The following PCDH7 variants were observed in gnomAD, a reference collection of about 807,000 sequenced individuals.
The protein encoded by PCDH7 is protocadherin-7.
A neutral mutation model predicts 58.9 loss-of-function variants in PCDH7; 17 were observed. That is an observed-to-expected ratio of 0.29 (90% confidence interval 0.20 to 0.43). The LOEUF (loss-of-function observed/expected upper bound fraction) is 0.43. Among genes scored for constraint, PCDH7 ranks in the 20% least tolerant of loss-of-function variants. The pLI is 1.00. For missense variants in PCDH7, 1,274 were observed against 1,441.0 expected, an observed-to-expected ratio of 0.88 and a Z score of 1.88; for synonymous variants, 664 against 616.4, an observed-to-expected ratio of 1.08 and a Z score of -1.14.
chr4:30,859,185 T>A (rs1733869311), intron 1 of PCDH7, among the ~76,000 whole-genome samples: 1 of 152,178 alleles, frequency 6.6e-6, no homozygotes, highest in Non-Finnish European at 1.5e-5. Context: ...AGTGCCTATC[T>A]AAAACTGTGG....
chr4:31,079,982 A>G (rs1759368012), intron 3 of PCDH7, among the ~76,000 whole-genome samples: 1 of 152,190 alleles, frequency 6.6e-6, no homozygotes, highest in Non-Finnish European at 1.5e-5. Context: ...ACACTCAGTA[A>G]GAAGTGCCGC....
intron 3 of PCDH7, among the ~76,000 whole-genome samples, chr4:30,999,789 A>G (rs1042820325): frequency 2.6e-5 from 4 of 152,262 alleles, no homozygotes; most frequent in African/African-American, 4.8e-5. Flanking sequence ...TGATTCTTCT[A>G]TAGATCTAAT....
At chr4:30,851,992 A>T (rs1732819449) in intron 1 of PCDH7, among the ~76,000 whole-genome samples, 1 of 152,138 alleles carries the variant, frequency 6.6e-6, no homozygotes, top group Non-Finnish European at 1.5e-5. Flanking sequence ...ATAACTTAGG[A>T]AAATAGATTT....
chr4:31,135,438 G>C lies in PCDH7; in HGVS notation c.*8-7035G>C, dbSNP rs375928038. Among the ~76,000 whole-genome samples, 27 of 152,256 alleles carry C rather than the reference G, an allele frequency of 1.8e-4. No individual in the cohort carries two copies. In the South Asian group the frequency reaches 5.2e-3, roughly 29 times the overall value. On this transcript the variant is annotated intron_variant, in intron 3 of 3. Coordinates refer to the PCDH7 transcript ENST00000509759. ...AAAGTAGTAGGAGGATGCCTAATGTGGAGTAACCAGGATCCAGTGGCCAGC... is the reference window on the plus strand; with the variant it reads ...AAAGTAGTAGGAGGATGCCTAATGTCGAGTAACCAGGATCCAGTGGCCAGC...
At chr4:30,749,045 A>G (rs1298017991) in intron 1 of PCDH7, among the ~76,000 whole-genome samples, 4 of 152,200 alleles carry the variant, frequency 2.6e-5, no homozygotes, top group Non-Finnish European at 4.4e-5. Context: ...AGGGGAAGGG[A>G]TATGTTATGA....
intron 3 of PCDH7, among the ~76,000 whole-genome samples, chr4:31,113,100 T>C (rs1288540932): frequency 6.6e-6 from 1 of 152,208 alleles, no homozygotes; most frequent in African/African-American, 2.4e-5. Context: ...AATACTAAAA[T>C]TGACCTTCTT....
intron 1 of PCDH7, among the ~76,000 whole-genome samples, chr4:30,838,503 T>C (rs1417879201): frequency 3.3e-5 from 5 of 151,978 alleles, no homozygotes; most frequent in Admixed American, 6.6e-5. Context: ...GGGTTTTTTT[T>C]CCCCCTTTTA....
At chr4:30,878,429 A>G (rs1247393934) in intron 1 of PCDH7, among the ~76,000 whole-genome samples, 1 of 152,106 alleles carries the variant, frequency 6.6e-6, no homozygotes, top group Non-Finnish European at 1.5e-5. Flanking sequence ...TTCTTGTACT[A>G]GGAGGGAGAA....
chr4:30,940,239 T>C (rs533668833), intron 2 of PCDH7, among the ~76,000 whole-genome samples: 2 of 152,130 alleles, frequency 1.3e-5, no homozygotes, highest in South Asian at 4.1e-4. Flanking sequence ...AGTAGATTGC[T>C]TTTTTTGTCT....
At chr4:30,861,957 A>G (rs957322319) in intron 1 of PCDH7, among the ~76,000 whole-genome samples, 3 of 152,116 alleles carry the variant, frequency 2.0e-5, no homozygotes, top group Admixed American at 6.6e-5. Context: ...TAAATTCTAT[A>G]CATGGGAAAA....
intron 1 of PCDH7, among the ~76,000 whole-genome samples, chr4:30,826,870 C>T (rs992670132): frequency 1.6e-4 from 24 of 152,138 alleles, no homozygotes; most frequent in East Asian, 9.7e-4. Context: ...GGACTACTGG[C>T]GCACACCACC....
chr4:31,123,857 G>T (rs944442184), intron 3 of PCDH7, among the ~76,000 whole-genome samples: 1 of 152,028 alleles, frequency 6.6e-6, no homozygotes, highest in Non-Finnish European at 1.5e-5. Flanking sequence ...TCGGAGAGGA[G>T]GACAAACTCC....
At chr4:30,995,833 C>G (rs61792935) in intron 3 of PCDH7, among the ~76,000 whole-genome samples, 2 of 152,008 alleles carry the variant, frequency 1.3e-5, no homozygotes, top group African/African-American at 4.8e-5. Flanking sequence ...ACTGAATCTC[C>G]CCAGGGCTCC....
chr4:31,115,476 C>T (rs560347163), intron 3 of PCDH7, among the ~76,000 whole-genome samples: 2 of 152,072 alleles, frequency 1.3e-5, no homozygotes, highest in South Asian at 2.1e-4. Context: ...TCTTTATTTT[C>T]CGCTCATTCT....
rs200689890 is a variant in PCDH7, at chr4:30,838,666, A to AT, written c.71-81479dup. On this transcript the variant is annotated intron_variant, in intron 1 of 3. Transcript: ENST00000509759. ...CTTTTTCTTTTTTTTCCGTCTTTGT[A>AT]TTTTTTTTCTTTAGTGAAGATTCAG... Among the ~76,000 whole-genome samples, 1,359 of 151,654 alleles carry AT rather than the reference A, an allele frequency of 9.0e-3. 19 individuals carry two copies. The highest frequency in any genetic ancestry group is 0.03 in the African/African-American group (1,254 of 41,324).
At chr4:31,021,225 T>G (rs1753993099) in intron 3 of PCDH7, among the ~76,000 whole-genome samples, 1 of 152,168 alleles carries the variant, frequency 6.6e-6, no homozygotes, top group Non-Finnish European at 1.5e-5. Context: ...CCATTACCTC[T>G]AATTCATTAA....
chr4:30,965,215 A>T (rs945959509), intron 3 of PCDH7, among the ~76,000 whole-genome samples: 4 of 152,160 alleles, frequency 2.6e-5, no homozygotes, highest in African/African-American at 9.6e-5. Flanking sequence ...GAATAATAAA[A>T]TGTGATAAAT....
At chr4:30,824,144 T>TTTCG (rs1553894982) in intron 1 of PCDH7, among the ~76,000 whole-genome samples, 56 of 147,856 alleles carry the variant, frequency 3.8e-4, no homozygotes, top group African/African-American at 1.3e-3. Context: ...TCTTTCTTTC[T>TTTCG]TTCTTTCTTT....
intron 3 of PCDH7, among the ~76,000 whole-genome samples, chr4:31,084,806 G>C (rs765380703): frequency 6.7e-5 from 10 of 148,994 alleles, no homozygotes; most frequent in African/African-American, 2.0e-4. Context: ...GAGGAGACTA[G>C]AGGAGAGGCA....
Sources: gnomAD v4.1 joint callset for allele counts (sites outside exome capture counted in the v4.1 genomes callset) on GRCh38, gnomAD v4.1.1 for gene constraint, MANE v1.5 for transcripts, NCBI Gene and HGNC (gene_info 2026-07-23, HGNC 2026-07-21) for gene names.